RELL2: variants seen among roughly 807,000 people sequenced by gnomAD.
RELL2 encodes the protein RELT like 2.
In RELL2, 18 loss-of-function variants were observed where a neutral mutation model predicts 27.5. The observed-to-expected ratio is 0.65, with a 90% CI of 0.45 to 0.97. The LOEUF (loss-of-function observed/expected upper bound fraction) is 0.97. Ranked by LOEUF, RELL2 falls within the 50% of genes least tolerant of loss-of-function variation. The pLI is 0.00. For missense variants in RELL2, 370 were observed against 397.5 expected (o/e 0.93, Z 0.59); for synonymous variants, 156 against 147.5 (o/e 1.06, Z -0.42).
chr5:141,639,163 T>C lies in RELL2; in HGVS notation c.317+142T>C, dbSNP rs914117645. On this transcript the variant is annotated intron_variant, in intron 3 of 6. Coordinates refer to ENST00000297164, the MANE Select transcript of RELL2 (RefSeq NM_173828.5). The surrounding 1 kb of genome is among the most constrained non-coding windows in gnomAD (Gnocchi z 4.4). The stretch of plus-strand genomic sequence containing the variant: ...GCTAACTTATAGGAAGAAAGTTGTT[T>C]TGTAGAAATCGCGATTCCTTCAAAC... The C allele has an allele frequency of 2.0e-5, 14 of 709,564 alleles. No individual in the cohort carries two copies. The highest frequency in any genetic ancestry group is 2.8e-5 in the Non-Finnish European group (12 of 431,580). The allele number at this position is 709,564 out of a possible 1,614,324, so 44.0% of individuals were successfully genotyped here. A position where few individuals can be genotyped will look rare whatever the true frequency, so the allele number is the denominator to read the frequency against.
intron 6 of RELL2, 104 bp from the exon 7 acceptor site, chr5:141,640,567 C>A: frequency 6.4e-7 from 1 of 1,562,028 alleles, no homozygotes; most frequent in Non-Finnish European, 8.7e-7. Context: ...TGCTATAAAT[C>A]CCTTGGTTTG....
At position 141,639,800 on chromosome 5, in the gene RELL2, C is replaced by T. The variant is rs1357585354; in HGVS notation, c.504-120C>T. 3.2e-5 allele frequency: 41 copies of T among 1,292,714 alleles called. No individual in the cohort carries two copies. Among genetic ancestry groups the T allele is most frequent in the Non-Finnish European group, 3.9e-5 (36 of 912,022 alleles). 80.1% of individuals were successfully genotyped at this position (1,292,714 alleles called of 1,614,324 possible). A position where few individuals can be genotyped will look rare whatever the true frequency, so the allele number is the denominator to read the frequency against. On this transcript the variant is annotated intron_variant, in intron 4 of 6. Coordinates refer to ENST00000297164, the MANE Select transcript of RELL2 (RefSeq NM_173828.5). This position sits in a 1 kb window ranked among gnomAD's most constrained non-coding sequence, Gnocchi z 4.4. ...CAATGTGCCCCACAATCTGAGAAGG[C>T]CTCCCCTACCTTAGGCCAGAGGGAA...
At chr5:141,640,504 A>G (rs2099906729) in intron 6 of RELL2, 59 bp downstream of exon 6, 6 of 1,613,732 alleles carry the variant, frequency 3.7e-6, no homozygotes, top group Non-Finnish European at 3.4e-6. Context: ...TACTTAAACT[A>G]TTTAAGCCTT....
intron 1 of RELL2, 79 bp from the exon 2 acceptor site, chr5:141,638,716 A>T (rs2099906477): frequency 8.0e-7 from 1 of 1,247,914 alleles, no homozygotes; most frequent in Non-Finnish European, 1.2e-6. Flanking sequence ...CCTAAGCAAT[A>T]AATGATGGGA....
rs2099906521 is a variant in RELL2 at position 141,638,977 on chromosome 5, G to T, written c.273G>T (p.Glu91Asp). 1 of 1,614,042 alleles carries T rather than the reference G, an allele frequency of 6.2e-7. No individual in the cohort carries two copies. The highest frequency in any genetic ancestry group is 1.3e-5 in the African/African-American group (1 of 74,910). ...QNEANAEALK[E>D]MLGDSEGEGT... ...CAGCCAATGCTGAGGCCTTGAAGGAGATGCTGGGGGACAGTGAAGGAGAAG... is the reference window on the plus strand; with the variant it reads ...CAGCCAATGCTGAGGCCTTGAAGGATATGCTGGGGGACAGTGAAGGAGAAG... The change falls in exon 3 of 7, where the codon GAG (glutamate) becomes GAT (aspartate). Residue 91 changes from glutamate to aspartate, a missense_variant. Glu to Asp is a conservative substitution (Grantham distance 45). Coordinates refer to ENST00000297164, the MANE Select transcript of RELL2 (RefSeq NM_173828.5).
intron 1 of RELL2, 100 bp downstream of exon 1, chr5:141,638,509 C>G (rs1303486621): frequency 8.6e-7 from 1 of 1,167,546 alleles, no homozygotes; most frequent in Non-Finnish European, 1.2e-6. Flanking sequence ...CCTGATCAAA[C>G]CTGCTCAGGA....
chr5:141,638,840 G>C lies in RELL2; in HGVS notation c.230G>C (p.Arg77Pro). The C allele has an allele frequency of 1.2e-6, 2 of 1,614,126 alleles. No homozygotes were observed. Among genetic ancestry groups the C allele is most frequent in the Non-Finnish European group, 1.7e-6 (2 of 1,179,972 alleles). Reference protein sequence around the residue: ...MNEDTVERIVRCIIQNEANAE... With the variant: ...MNEDTVERIVPCIIQNEANAE... ...GAGGACACAGTAGAGAGGATTGTTC[G>C]CTGCATCATCCAGAATGAAGGTGGG... Residue 77 changes from arginine (R) to proline (P), a missense_variant, in exon 2 of 7, where the codon CGC becomes CCC. Coordinates refer to ENST00000297164, the MANE Select transcript of RELL2 (RefSeq NM_173828.5).
rs919023692 is a variant in RELL2 at position 141,639,789 on chromosome 5, A to G, written c.504-131A>G. The G allele has an allele frequency of 3.1e-6, 4 of 1,291,146 alleles. No homozygotes were observed. Among genetic ancestry groups the G allele is most frequent in the Admixed American group, 1.9e-5 (1 of 51,456 alleles). 80.0% of individuals were successfully genotyped at this position (1,291,146 alleles called of 1,614,324 possible). On this transcript the variant is annotated intron_variant, in intron 4 of 6. Coordinates refer to ENST00000297164, the MANE Select transcript of RELL2 (RefSeq NM_173828.5). This position sits in a 1 kb window ranked among gnomAD's most constrained non-coding sequence, Gnocchi z 4.4. Reference sequence around the variant, plus strand: ...GTCAGGCTACACAATGTGCCCCACAATCTGAGAAGGCCTCCCCTACCTTAG... The same window carrying G: ...GTCAGGCTACACAATGTGCCCCACAGTCTGAGAAGGCCTCCCCTACCTTAG...
rs780121313 is a variant in RELL2, at chr5:141,639,945, C to G, written c.529C>G (p.Arg177Gly). Reference protein sequence around the residue: ...GRFRVTHIEKRYGLHEHRDGS... With the variant: ...GRFRVTHIEKGYGLHEHRDGS... ...GTTCCGGGTGACACACATTGAGAAG[C>G]GCTATGGACTGCACGAACACCGTGA... The change falls in exon 5 of 7, where the codon CGC (arginine) becomes GGC (glycine). Residue 177 changes from arginine (R) to glycine (G), a missense_variant. Transcript: ENST00000297164. The surrounding 1 kb of genome is among the most constrained non-coding windows in gnomAD (Gnocchi z 4.4). The G allele has an allele frequency of 6.2e-7, 1 of 1,614,004 alleles. No homozygotes were observed. The highest frequency in any genetic ancestry group is 1.7e-5 in the Admixed American group (1 of 60,026).
Position 141,638,284 on chromosome 5 carries a change from T to G in RELL2, c.59T>G (p.Leu20Arg). The change falls in exon 1 of 7, where the codon CTG (leucine) becomes CGG (arginine). Residue 20 changes from leucine (L) to arginine (R), a missense_variant. By Grantham distance (102) the Leu-to-Arg change is moderately radical. Transcript: ENST00000297164. ...PPQHGLYMLF[L>R]LVLVFFLMGL... ...CAACATGGGCTATATATGCTCTTCC[T>G]GCTTGTGCTGGTCTTCTTCCTCATG... The G allele has an allele frequency of 6.2e-7, 1 of 1,614,074 alleles. No individual in the cohort carries two copies. The highest frequency in any genetic ancestry group is 8.5e-7 in the Non-Finnish European group (1 of 1,179,990).
intron 1 of RELL2, 95 bp downstream of exon 1, chr5:141,638,504 T>G: frequency 8.4e-7 from 1 of 1,190,512 alleles, no homozygotes; most frequent in Non-Finnish European, 1.2e-6. Flanking sequence ...CAAATCCTGA[T>G]CAAACCTGCT....
At position 141,640,877 on chromosome 5, in the gene RELL2, C is replaced by G; in HGVS notation, c.*208C>G. ...CCTTCCCCTGCCTGCAACAGGCTGC[C>G]TGCCCCGCCTTCCCCAACACCTCGC... On this transcript the variant is annotated 3_prime_UTR_variant, in exon 7 of 7. Transcript: ENST00000297164. 1.7e-6 allele frequency: 1 copy of G among 588,582 alleles called. No homozygotes were observed. Among genetic ancestry groups the G allele is most frequent in the Non-Finnish European group, 3.0e-6 (1 of 333,460 alleles). The allele number at this position is 588,582 out of a possible 1,614,324, so 36.5% of individuals were successfully genotyped here. A position where few individuals can be genotyped will look rare whatever the true frequency, so the allele number is the denominator to read the frequency against.
chr5:141,640,560 T>C, intron 6 of RELL2, 111 bp from the exon 7 acceptor site: 1 of 1,569,426 alleles, frequency 6.4e-7, no homozygotes, highest in Non-Finnish European at 8.7e-7. Flanking sequence ...TAGCCTTTGC[T>C]ATAAATCCCT....
chr5:141,639,773 C>T lies in RELL2; in HGVS notation c.503+124C>T. 1 of 1,282,002 alleles carries T rather than the reference C, an allele frequency of 7.8e-7. No homozygotes were observed. The highest frequency in any genetic ancestry group is 2.3e-5 in the East Asian group (1 of 43,148). The allele number at this position is 1,282,002 out of a possible 1,614,324, so 79.4% of individuals were successfully genotyped here. On this transcript the variant is annotated intron_variant, in intron 4 of 6. Coordinates refer to ENST00000297164, the MANE Select transcript of RELL2 (RefSeq NM_173828.5). The surrounding 1 kb of genome is among the most constrained non-coding windows in gnomAD (Gnocchi z 4.4). ...GGGAGCTCCGGCAGAAGTCAGGCTA[C>T]ACAATGTGCCCCACAATCTGAGAAG...
Position 141,639,864 on chromosome 5 carries a change from G to A in RELL2, c.504-56G>A, listed in dbSNP as rs2099906632. 3 of 1,575,156 alleles carry A rather than the reference G, an allele frequency of 1.9e-6. No individual in the cohort carries two copies. The highest frequency in any genetic ancestry group is 4.5e-5 in the East Asian group (2 of 44,724). Reference sequence around the variant, plus strand: ...TCAGGATGTCCCTGGTCAGAGGGGAGGGCCAAGCAGCCTCTGAGTTGTGGT... The same window carrying A: ...TCAGGATGTCCCTGGTCAGAGGGGAAGGCCAAGCAGCCTCTGAGTTGTGGT... On this transcript the variant is annotated intron_variant, in intron 4 of 6. Coordinates refer to ENST00000297164, the MANE Select transcript of RELL2 (RefSeq NM_173828.5). This position sits in a 1 kb window ranked among gnomAD's most constrained non-coding sequence, Gnocchi z 4.4.
Position 141,641,052 on chromosome 5 carries a change from G to A in RELL2, c.*383G>A, listed in dbSNP as rs1018129244. 10 of 335,582 alleles carry A rather than the reference G, an allele frequency of 3.0e-5. No individual in the cohort carries two copies. The highest frequency in any genetic ancestry group is 2.0e-4 in the East Asian group (4 of 20,490). 20.8% of individuals were successfully genotyped at this position (335,582 alleles called of 1,614,324 possible). A position where few individuals can be genotyped will look rare whatever the true frequency, so the allele number is the denominator to read the frequency against. ...CCCTTTATTCATTGTCAATAAATCCGCTCAGACCATTACAGCTGCTTCGCA... is the reference window on the plus strand; with the variant it reads ...CCCTTTATTCATTGTCAATAAATCCACTCAGACCATTACAGCTGCTTCGCA... On this transcript the variant is annotated 3_prime_UTR_variant, in exon 7 of 7. Coordinates refer to ENST00000297164, the MANE Select transcript of RELL2 (RefSeq NM_173828.5).
chr5:141,639,143 C>A lies in RELL2; in HGVS notation c.317+122C>A. On this transcript the variant is annotated intron_variant, in intron 3 of 6. Transcript: ENST00000297164. This position sits in a 1 kb window ranked among gnomAD's most constrained non-coding sequence, Gnocchi z 4.4. Reference sequence around the variant, plus strand: ...TTGGGGGAAGGGCAAAGCTGGCTAACTTATAGGAAGAAAGTTGTTTTGTAG... The same window carrying A: ...TTGGGGGAAGGGCAAAGCTGGCTAAATTATAGGAAGAAAGTTGTTTTGTAG... The A allele has an allele frequency of 2.5e-6, 2 of 796,120 alleles. No homozygotes were observed. The highest frequency in any genetic ancestry group is 4.0e-6 in the Non-Finnish European group (2 of 504,206). The allele number at this position is 796,120 out of a possible 1,614,324, so 49.3% of individuals were successfully genotyped here.
chr5:141,638,003 T>C lies in RELL2; in HGVS notation c.-223T>C, dbSNP rs1448424003. On this transcript the variant is annotated 5_prime_UTR_variant, in exon 1 of 7. The change abolishes the stop of an existing upstream ORF in the 5' untranslated region. Coordinates refer to ENST00000297164, the MANE Select transcript of RELL2 (RefSeq NM_173828.5). ...CGGGGAAGCGGGACCAGGGTCGTGG[T>C]AGAGAGCTTGCGTTGCCGCTGACCT... 3.9e-6 allele frequency: 2 copies of C among 513,942 alleles called. No individual in the cohort carries two copies. Among genetic ancestry groups the C allele is most frequent in the Non-Finnish European group, 6.9e-6 (2 of 288,626 alleles). The allele number at this position is 513,942 out of a possible 1,614,324, so 31.8% of individuals were successfully genotyped here. A position where few individuals can be genotyped will look rare whatever the true frequency, so the allele number is the denominator to read the frequency against.
Position 141,639,001 on chromosome 5 carries a change from A to G in RELL2, c.297A>G (p.Glu99=), listed in dbSNP as rs969864856. The part of the protein sequence containing the change: ...LKEMLGDSEG[E]GTVQLSSVDA... ...AGATGCTGGGGGACAGTGAAGGAGA[A>G]GGGACAGTGCAGCTGTCCAGGTGAG... The change falls in exon 3 of 7, where the codon GAA becomes GAG. Residue 99 remains glutamate, a synonymous_variant. Transcript: ENST00000297164. The surrounding 1 kb of genome is among the most constrained non-coding windows in gnomAD (Gnocchi z 4.4). 8.7e-6 allele frequency: 14 copies of G among 1,614,086 alleles called. No individual in the cohort carries two copies. Among genetic ancestry groups the G allele is most frequent in the Middle Eastern group, 1.7e-4 (1 of 6,026 alleles).
Sources: allele counts gnomAD v4.1 joint callset, GRCh38; gene constraint gnomAD v4.1.1; non-coding constraint Gnocchi (gnomAD v3.1); transcripts MANE v1.5; gene names NCBI Gene and HGNC (gene_info 2026-07-23, HGNC 2026-07-21).